STK32A: variants seen among roughly 807,000 people sequenced by gnomAD.
STK32A encodes the protein serine/threonine kinase 32A, also known as serine/threonine-protein kinase 32A.
Under a neutral mutation model 53.2 loss-of-function variants are expected in STK32A, and 41 were observed. The ratio of observed to expected loss-of-function variants is 0.77; its 90% CI spans 0.60 to 1.00. The LOEUF (loss-of-function observed/expected upper bound fraction) is 1.00, where lower values mean the gene tolerates loss of function less well. Among genes scored for constraint, STK32A ranks in the 50% least tolerant of loss-of-function variants. The pLI, the probability that STK32A is intolerant of heterozygous loss-of-function variation, is 0.00. For synonymous variants in STK32A, 166 were observed against 162.8 expected, an observed-to-expected ratio of 1.02 and a Z score of -0.15; for missense variants, 458 against 485.8, an observed-to-expected ratio of 0.94 and a Z score of 0.54.
At chr5:147,348,962 G>T in intron 6 of STK32A, 1 of 467,578 alleles carries the variant, frequency 2.1e-6, no homozygotes, top group East Asian at 4.0e-5. Context: ...CTAGTTAGTG[G>T]TAGAACCTAG....
intron 4 of STK32A, among the ~76,000 whole-genome samples, chr5:147,304,013 A>C (rs545917195): frequency 9.2e-4 from 140 of 152,354 alleles, no homozygotes; most frequent in African/African-American, 3.1e-3. Flanking sequence ...ATTTAAGCTC[A>C]AAAGAAACTC....
intron 2 of STK32A, among the ~76,000 whole-genome samples, chr5:147,259,711 TTCTG>T (rs1754407317): frequency 1.3e-5 from 2 of 152,086 alleles, no homozygotes; most frequent in African/African-American, 4.8e-5. Flanking sequence ...CTCTCTGACT[TTCTG>T]TCTCTTTCTT....
intron 2 of STK32A, among the ~76,000 whole-genome samples, chr5:147,269,091 T>C (rs1353233821): frequency 6.6e-6 from 1 of 152,170 alleles, no homozygotes; most frequent in African/African-American, 2.4e-5. Context: ...GGTACTTAAT[T>C]TCCCTGGGTT....
At chr5:147,335,066 T>C (rs1414989611) in intron 5 of STK32A, among the ~76,000 whole-genome samples, 2 of 152,190 alleles carry the variant, frequency 1.3e-5, no homozygotes, top group South Asian at 2.1e-4. Flanking sequence ...AGTATGTGAA[T>C]GCAGTCCCTC....
At chr5:147,256,301 A>G (rs1490286979) in intron 2 of STK32A, among the ~76,000 whole-genome samples, 1 of 152,166 alleles carries the variant, frequency 6.6e-6, no homozygotes, top group Non-Finnish European at 1.5e-5. Context: ...AGACTTCGGG[A>G]TATAGCAGAG....
At chr5:147,246,709 A>G (rs887777932) in intron 2 of STK32A, among the ~76,000 whole-genome samples, 2 of 152,234 alleles carry the variant, frequency 1.3e-5, no homozygotes, top group Non-Finnish European at 2.9e-5. Flanking sequence ...AAATATTTGT[A>G]ATGTGATTTA....
intron 4 of STK32A, among the ~76,000 whole-genome samples, chr5:147,322,014 C>G (rs1754346229): frequency 6.6e-6 from 1 of 152,110 alleles, no homozygotes; most frequent in Non-Finnish European, 1.5e-5. Flanking sequence ...TGCAGCAGGT[C>G]CCAGATATGA....
At position 147,363,617 on chromosome 5, in the gene STK32A, C is replaced by T. The variant is rs901563912; in HGVS notation, c.660+2003C>T. ...ACATGTTCACAGCTGGATAGCATTA[C>T]GGTCCCAGCCTGTAAAATCCAAGAA... On this transcript the variant is annotated intron_variant, in intron 8 of 12. Transcript: ENST00000397936. Among the ~76,000 whole-genome samples the T allele has an allele frequency of 5.3e-5, 8 of 152,178 alleles. No individual in the cohort carries two copies. The East Asian group carries it at 5.8e-4, about 11-fold the overall frequency.
intron 4 of STK32A, among the ~76,000 whole-genome samples, chr5:147,314,498 C>CAAAAAAAAAAAAA (rs1171767950): frequency 9.4e-5 from 1 of 10,626 alleles, no homozygotes; most frequent in African/African-American, 6.7e-4. Context: ...AACTCCATAT[C>CAAAAAAAAAAAAA]AAAAAAAACA....
At chr5:147,397,321 C>T in the STK32A span, among the ~76,000 whole-genome samples, 2 of 151,640 alleles carry the variant, frequency 1.3e-5, no homozygotes, top group Non-Finnish European at 2.9e-5. Context: ...AGGGATGTGT[C>T]GGTGTGGATT....
chr5:147,316,347 A>T (rs953006689), intron 4 of STK32A, among the ~76,000 whole-genome samples: 28 of 152,192 alleles, frequency 1.8e-4, no homozygotes, highest in African/African-American at 6.5e-4. Context: ...ATAGCAGCAG[A>T]CACTTCTGTC....
intron 2 of STK32A, among the ~76,000 whole-genome samples, chr5:147,271,630 G>A (rs958350047): frequency 1.3e-5 from 2 of 152,140 alleles, no homozygotes; most frequent in African/African-American, 2.4e-5. Context: ...AAGAGAATGT[G>A]CCCCTGAGGG....
rs1177918364 is a variant in STK32A at position 147,384,519 on chromosome 5, CAG to C, written c.*540_*541del. 2.7e-5 allele frequency: 32 copies of C among 1,203,956 alleles called. No individual in the cohort carries two copies. The highest frequency in any genetic ancestry group is 3.2e-5 in the Non-Finnish European group (27 of 853,024). 74.6% of individuals were successfully genotyped at this position (1,203,956 alleles called of 1,614,324 possible). A position where few individuals can be genotyped will look rare whatever the true frequency, so the allele number is the denominator to read the frequency against. ...ATGAATGGAATCAGATTAAAAGTAA[CAG>C]AGATGGATGAGGGCCTTCCAGTGAT... On this transcript the variant is annotated 3_prime_UTR_variant, in exon 13 of 13. Coordinates refer to ENST00000397936, the MANE Select transcript of STK32A (RefSeq NM_001112724.2).
intron 11 of STK32A, among the ~76,000 whole-genome samples, chr5:147,378,818 G>C (rs1757332831): frequency 8.8e-6 from 1 of 113,476 alleles, no homozygotes; most frequent in Non-Finnish European, 1.7e-5. Context: ...AGGTAGTGTA[G>C]TAGTGTAATA....
intron 2 of STK32A, among the ~76,000 whole-genome samples, chr5:147,265,309 C>T (rs369858336): frequency 1.3e-5 from 2 of 151,928 alleles, no homozygotes; most frequent in South Asian, 2.1e-4. Context: ...ATTCAATCTT[C>T]GTTAAAATCC....
chr5:147,290,277 G>A (rs554862008), intron 4 of STK32A, among the ~76,000 whole-genome samples: 4 of 152,220 alleles, frequency 2.6e-5, no homozygotes, highest in African/African-American at 4.8e-5. Flanking sequence ...TAAGTAGTCT[G>A]GGGGCAGGGA....
chr5:147,328,903 C>T (rs1273889635), intron 5 of STK32A, among the ~76,000 whole-genome samples: 1 of 152,038 alleles, frequency 6.6e-6, no homozygotes, highest in Non-Finnish European at 1.5e-5. Context: ...TTGTATGGGA[C>T]AATTAAATAG....
downstream of STK32A, among the ~76,000 whole-genome samples, chr5:147,388,862 G>T (rs558595745): frequency 8.5e-4 from 130 of 152,238 alleles, no homozygotes; most frequent in Middle Eastern, 6.8e-3. Flanking sequence ...TGCATCCTGA[G>T]TTTAAGTGCT....
Position 147,323,982 on chromosome 5 carries a change from C to T in STK32A, c.345C>T (p.Asn115=), listed in dbSNP as rs770041479. Reference sequence around the variant, plus strand: ...ACCTGCGTTATCACCTGCAACAGAACGTCCACTTCAAGGAAGAAACAGTGA... The same window carrying T: ...ACCTGCGTTATCACCTGCAACAGAATGTCCACTTCAAGGAAGAAACAGTGA... ...GGDLRYHLQQ[N]VHFKEETVKL... The change falls in exon 5 of 13, where the codon AAC becomes AAT. Residue 115 remains asparagine, a synonymous_variant. Transcript: ENST00000397936. 16 of 1,612,758 alleles carry T rather than the reference C, an allele frequency of 9.9e-6. No individual in the cohort carries two copies. In the African/African-American group the frequency reaches 1.7e-4, roughly 17 times the overall value.
Sources: gnomAD v4.1 joint callset for allele counts (sites outside exome capture counted in the v4.1 genomes callset) on GRCh38, gnomAD v4.1.1 for gene constraint, MANE v1.5 for transcripts, NCBI Gene and HGNC (gene_info 2026-07-23, HGNC 2026-07-21) for gene names.